DCTN4: variants seen among roughly 807,000 people sequenced by gnomAD.
The protein encoded by DCTN4 is dynactin 4 (p62).
DCTN4 carries 23 observed loss-of-function variants against 62.7 expected under a neutral mutation model. The observed-to-expected ratio is 0.37, with a 90% CI of 0.26 to 0.52. The LOEUF is 0.52. Ranked by LOEUF, DCTN4 falls within the 20% of genes least tolerant of loss-of-function variation. DCTN4 has a pLI of 0.92. For missense variants in DCTN4, 514 were observed against 580.4 expected (o/e 0.89, Z 1.18); for synonymous variants, 199 against 202.1 (o/e 0.98, Z 0.13).
At chr5:150,746,269 A>G (rs1760958457) in intron 3 of DCTN4, among the ~76,000 whole-genome samples, 1 of 149,024 alleles carries the variant, frequency 6.7e-6, no homozygotes. Flanking sequence ...GAATAGACCA[A>G]TAACAGGCTC....
intron 11 of DCTN4, among the ~76,000 whole-genome samples, chr5:150,716,854 G>A (rs772598416): frequency 6.6e-6 from 1 of 151,702 alleles, no homozygotes; most frequent in Non-Finnish European, 1.5e-5. Context: ...GGGAGGCGGA[G>A]AGTGCAGTGA....
In DCTN4 at chr5:150,722,987, A is replaced by G; in HGVS notation, c.835-7T>C. The stretch of plus-strand genomic sequence containing the variant: ...TCAAATTATGTTCACATTTCTAAAA[A>G]GAAAACAAATATAACACGTATCAGA... On this transcript the variant is annotated splice_polypyrimidine_tract_variant and splice_region_variant and intron_variant, in intron 8 of 12. Coordinates refer to ENST00000447998, the MANE Select transcript of DCTN4 (RefSeq NM_016221.4). 1 of 1,599,936 alleles carries G rather than the reference A, an allele frequency of 6.3e-7. No individual in the cohort carries two copies. The highest frequency in any genetic ancestry group is 8.6e-7 in the Non-Finnish European group (1 of 1,168,560).
intron 5 of DCTN4, chr5:150,731,774 C>G: frequency 9.9e-7 from 1 of 1,010,032 alleles, no homozygotes; most frequent in Non-Finnish European, 1.5e-6. Context: ...AGCTACGGCT[C>G]AGGCAAGAAC....
rs1759536825 is a variant in DCTN4, at chr5:150,710,936, G to C, written c.*213C>G. On this transcript the variant is annotated 3_prime_UTR_variant, in exon 13 of 13. Transcript: ENST00000447998. ...TGCAGGGTTCAGTGAGGGAGACACA[G>C]ACTTACTGGTGTCAACAGGGGTGAG... 2 of 572,988 alleles carry C rather than the reference G, an allele frequency of 3.5e-6. No homozygotes were observed. Among genetic ancestry groups the C allele is most frequent in the Non-Finnish European group, 6.2e-6 (2 of 320,042 alleles). The allele number at this position is 572,988 out of a possible 1,614,324, so 35.5% of individuals were successfully genotyped here.
chr5:150,727,395 A>G (rs1760184252), intron 8 of DCTN4, among the ~76,000 whole-genome samples: 1 of 152,208 alleles, frequency 6.6e-6, no homozygotes, highest in Non-Finnish European at 1.5e-5. Context: ...AAACCACAGT[A>G]ATAGTATAAC....
At chr5:150,731,293 CTAAGTA>C in intron 6 of DCTN4, 117 bp downstream of exon 6, 1 of 1,032,140 alleles carries the variant, frequency 9.7e-7, no homozygotes. Flanking sequence ...TAGGTCTTTT[CTAAGTA>C]TGAGAATCTT....
In DCTN4 at chr5:150,758,926, G is replaced by A. The variant is rs1752961870; in HGVS notation, c.68C>T (p.Pro23Leu). 1 of 1,614,070 alleles carries A rather than the reference G, an allele frequency of 6.2e-7. No individual in the cohort carries two copies. The highest frequency in any genetic ancestry group is 8.5e-7 in the Non-Finnish European group (1 of 1,180,014). ...GCGGCAGAAGTAGAGTTGCGAGAGCGGGGCCCGAACCTTCTTTTCTCCCTG... is the reference window on the plus strand; with the variant it reads ...GCGGCAGAAGTAGAGTTGCGAGAGCAGGGCCCGAACCTTCTTTTCTCCCTG... ...LVQGEKKVRA[P>L]LSQLYFCRYC... Residue 23 changes from proline (P) to leucine (L), a missense_variant, in exon 1 of 13, where the codon CCG (proline) becomes CTG (leucine). By Grantham distance (98) the Pro-to-Leu change is moderately conservative. Transcript: ENST00000447998.
At chr5:150,743,400 C>T (rs188508689) in intron 3 of DCTN4, among the ~76,000 whole-genome samples, 1 of 152,244 alleles carries the variant, frequency 6.6e-6, no homozygotes, top group South Asian at 2.1e-4. Flanking sequence ...ACAGCAGTAA[C>T]CTCTGCAGAC....
intron 3 of DCTN4, among the ~76,000 whole-genome samples, chr5:150,748,465 C>A (rs532037076): frequency 7.5e-4 from 114 of 151,366 alleles, no homozygotes; most frequent in Admixed American, 1.8e-3. Flanking sequence ...ATAAATCATG[C>A]TGCTATAAAG....
intron 9 of DCTN4, among the ~76,000 whole-genome samples, chr5:150,722,447 C>T (rs1040942355): frequency 6.6e-6 from 1 of 152,200 alleles, no homozygotes; most frequent in African/African-American, 2.4e-5. Context: ...TTCTCTTCTA[C>T]TCACAAGTCC....
intron 8 of DCTN4, among the ~76,000 whole-genome samples, chr5:150,725,675 C>T (rs1397956651): frequency 1.3e-5 from 2 of 152,034 alleles, no homozygotes; most frequent in Non-Finnish European, 2.9e-5. Context: ...GCAAGTTTTG[C>T]TATAAAGAAA....
chr5:150,735,426 G>A (rs1760541127), intron 4 of DCTN4, among the ~76,000 whole-genome samples: 1 of 152,194 alleles, frequency 6.6e-6, no homozygotes, highest in Admixed American at 6.5e-5. Flanking sequence ...TCACTCTCCT[G>A]CTATCTCCAC....
intron 2 of DCTN4, chr5:150,755,613 T>C (rs1171609212): frequency 2.2e-6 from 1 of 456,054 alleles, no homozygotes; most frequent in East Asian, 6.9e-5. Flanking sequence ...AATGACATTC[T>C]ATAAAATACC....
chr5:150,725,681 A>C (rs1368790635), intron 8 of DCTN4, among the ~76,000 whole-genome samples: 1 of 152,188 alleles, frequency 6.6e-6, no homozygotes, highest in Non-Finnish European at 1.5e-5. Flanking sequence ...TTTGCTATAA[A>C]GAAATTACTG....
At chr5:150,736,559 TGAGA>T (rs1760589842) in intron 4 of DCTN4, among the ~76,000 whole-genome samples, 1 of 152,324 alleles carries the variant, frequency 6.6e-6, no homozygotes, top group African/African-American at 2.4e-5. Flanking sequence ...ACACAAATGC[TGAGA>T]GAATTTGTCA....
At chr5:150,722,741 G>T (rs1554118135) in intron 9 of DCTN4, among the ~76,000 whole-genome samples, 166 bp downstream of exon 9, 1 of 151,828 alleles carries the variant, frequency 6.6e-6, no homozygotes, top group Non-Finnish European at 1.5e-5. Flanking sequence ...TAAACTTCAT[G>T]GCATGTAACT....
At position 150,731,282 on chromosome 5, in the gene DCTN4, G is replaced by A. The variant is rs1020836927; in HGVS notation, c.612-126C>T. The A allele has an allele frequency of 9.1e-5, 89 of 973,692 alleles. 1 individual carries two copies. Among genetic ancestry groups the A allele is most frequent in the East Asian group, 2.2e-4 (9 of 40,508 alleles). 60.3% of individuals were successfully genotyped at this position (973,692 alleles called of 1,614,324 possible). A position where few individuals can be genotyped will look rare whatever the true frequency, so the allele number is the denominator to read the frequency against. ...CTCTGTCATAGAATATCTGTATAGCGTAGGTCTTTTCTAAGTATGAGAATC... is the reference window on the plus strand; with the variant it reads ...CTCTGTCATAGAATATCTGTATAGCATAGGTCTTTTCTAAGTATGAGAATC... On this transcript the variant is annotated intron_variant, in intron 6 of 12. Coordinates refer to ENST00000447998, the MANE Select transcript of DCTN4 (RefSeq NM_016221.4).
rs903955554 is a variant in DCTN4 at position 150,741,885 on chromosome 5, A to C, written c.429+229T>G. Among the ~76,000 whole-genome samples, 31 of 152,214 alleles carry C rather than the reference A, an allele frequency of 2.0e-4. No homozygotes were observed. Among genetic ancestry groups the C allele is most frequent in the African/African-American group, 7.5e-4 (31 of 41,450 alleles). On this transcript the variant is annotated intron_variant, in intron 4 of 12. Coordinates refer to ENST00000447998, the MANE Select transcript of DCTN4 (RefSeq NM_016221.4). ...ACTTGGTTCCTTTTCCTGATGCACA[A>C]TTCAAATACAGAACTAAAGCTACAC...
At chr5:150,750,382 T>C (rs1410104697) in intron 3 of DCTN4, among the ~76,000 whole-genome samples, 1 of 152,176 alleles carries the variant, frequency 6.6e-6, no homozygotes, top group Non-Finnish European at 1.5e-5. Flanking sequence ...ATATTACTAC[T>C]AGGAGCAAAG....
Sources: allele counts gnomAD v4.1 joint callset (sites outside exome capture counted in the v4.1 genomes callset), GRCh38; gene constraint gnomAD v4.1.1; transcripts MANE v1.5; gene names NCBI Gene and HGNC (gene_info 2026-07-23, HGNC 2026-07-21).